The following PFKFB2 variants were observed in gnomAD, a reference collection of about 807,000 sequenced individuals.
The protein encoded by PFKFB2 is 6-phosphofructo-2-kinase/fructose-2,6-bisphosphatase 2.
A neutral mutation model predicts 68.0 loss-of-function variants in PFKFB2; 53 were observed. That is an observed-to-expected ratio of 0.78 (90% CI 0.63 to 0.98). The LOEUF (loss-of-function observed/expected upper bound fraction) is 0.98. PFKFB2 is among the 50% of genes least tolerant of loss of function. The pLI is 0.00. For synonymous variants in PFKFB2, 222 were observed against 227.6 expected (o/e 0.98, Z 0.22); for missense variants, 451 against 642.0 (o/e 0.70, Z 3.22).
chr1:207,046,109 AAAAGTAAGAG>A (rs1251203173), intron 2 of PFKFB2: 2 of 152,190 alleles, frequency 1.3e-5, no homozygotes, highest in African/African-American at 2.4e-5. Context: ...TAATCCAAAG[AAAAGTAAGAG>A]AAAGGAAGAA....
chr1:207,058,601 A>T (rs1029208343), intron 2 of PFKFB2, among the ~76,000 whole-genome samples: 1 of 152,014 alleles, frequency 6.6e-6, no homozygotes, highest in Non-Finnish European at 1.5e-5. Context: ...TTTTTTTGTA[A>T]ATCTTTTTTT....
chr1:207,052,302 C>G, upstream of PFKFB2: 4 of 1,340,104 alleles, frequency 3.0e-6, no homozygotes, highest in Non-Finnish European at 4.3e-6. Context: ...TTCTTCAAGA[C>G]GACTGCAACG....
Position 207,075,330 on chromosome 1 carries a change from A to G in PFKFB2, c.*2959A>G. The G allele has an allele frequency of 1.0e-5, 10 of 985,480 alleles. No homozygotes were observed. The highest frequency in any genetic ancestry group is 1.2e-5 in the Non-Finnish European group (10 of 829,936). 61.0% of individuals were successfully genotyped at this position (985,480 alleles called of 1,614,324 possible). On this transcript the variant is annotated 3_prime_UTR_variant, in exon 15 of 15. Coordinates refer to ENST00000367080, the MANE Select transcript of PFKFB2 (RefSeq NM_006212.2). ...AGGACATGAGAAATTGGAATTTGGC[A>G]AGCAAGGGCTTCAGCATCCTTTAGT... is the stretch of plus-strand genomic sequence containing the variant.
Position 207,063,077 on chromosome 1 carries a change from G to T in PFKFB2, c.309-66G>T. 7.4e-7 allele frequency: 1 copy of T among 1,349,348 alleles called. No individual in the cohort carries two copies. The highest frequency in any genetic ancestry group is 1.1e-6 in the Non-Finnish European group (1 of 940,276). 83.6% of individuals were successfully genotyped at this position (1,349,348 alleles called of 1,614,324 possible). A position where few individuals can be genotyped will look rare whatever the true frequency, so the allele number is the denominator to read the frequency against. Reference sequence around the variant, plus strand: ...AGGGATGTGACTTCTGTAGCCACCCGAATGTTTGTGTCTCTGACTGTTTGA... The same window carrying T: ...AGGGATGTGACTTCTGTAGCCACCCTAATGTTTGTGTCTCTGACTGTTTGA... On this transcript the variant is annotated intron_variant, in intron 4 of 14. Transcript: ENST00000367080. This position sits in a 1 kb window ranked among gnomAD's most constrained non-coding sequence, Gnocchi z 4.1.
rs879360833 is a variant in PFKFB2, at chr1:207,061,962, C to T, written c.95C>T (p.Ser32Phe). 1 of 1,614,106 alleles carries T rather than the reference C, an allele frequency of 6.2e-7. No homozygotes were observed. Among genetic ancestry groups the T allele is most frequent in the Non-Finnish European group, 8.5e-7 (1 of 1,179,928 alleles). Residue 32 changes from serine (S) to phenylalanine (F), a missense_variant, in exon 3 of 15, where the codon TCC becomes TTC. By Grantham distance (155) the Ser-to-Phe change is radical (BLOSUM62 -2). Transcript: ENST00000367080. ...TTTCATTTCCTTCTAGCATGGGCCT[C>T]CTACATGACCAACTCCCCGACTCTG... ...RMSEKKCSWA[S>F]YMTNSPTLIV...
At chr1:207,052,572 T>G (rs1188764977), upstream of PFKFB2, among the ~76,000 whole-genome samples, 6 of 152,274 alleles carry the variant, frequency 3.9e-5, no homozygotes, top group East Asian at 1.2e-3. Flanking sequence ...GAGAATCGCT[T>G]GAACACGGGA....
chr1:207,056,294 A>C (rs988209563), intron 2 of PFKFB2, among the ~76,000 whole-genome samples: 6 of 151,786 alleles, frequency 4.0e-5, no homozygotes, highest in African/African-American at 1.5e-4. Context: ...CACTATTTAA[A>C]AGAGGGCTGT....
chr1:207,063,708 A>C lies in PFKFB2; in HGVS notation c.451-65A>C, dbSNP rs1683187934. 2 of 1,328,198 alleles carry C rather than the reference A, an allele frequency of 1.5e-6. No homozygotes were observed. Among genetic ancestry groups the C allele is most frequent in the Non-Finnish European group, 2.2e-6 (2 of 918,964 alleles). 82.3% of individuals were successfully genotyped at this position (1,328,198 alleles called of 1,614,324 possible). On this transcript the variant is annotated intron_variant, in intron 6 of 14. Transcript: ENST00000367080. The surrounding 1 kb of genome is among the most constrained non-coding windows in gnomAD (Gnocchi z 4.1). ...TGGTGGCTGGGTGGGGTAGATGAGC[A>C]TGTGCTCTTAATTAACAGCCTGGCA... is the stretch of plus-strand genomic sequence containing the variant.
Position 207,076,000 on chromosome 1 carries a change from T to G in PFKFB2, c.*3629T>G, listed in dbSNP as rs1054748156. The G allele has an allele frequency of 9.1e-6, 9 of 985,362 alleles. No individual in the cohort carries two copies. The highest frequency in any genetic ancestry group is 2.4e-6 in the Non-Finnish European group (2 of 829,954). 61.0% of individuals were successfully genotyped at this position (985,362 alleles called of 1,614,324 possible). ...AAGAAAAGCTTCTAAAAACTTGCATTGTGCTAGGGATCTGCCCTATATCTT... is the reference window on the plus strand; with the variant it reads ...AAGAAAAGCTTCTAAAAACTTGCATGGTGCTAGGGATCTGCCCTATATCTT... On this transcript the variant is annotated 3_prime_UTR_variant, in exon 15 of 15. Coordinates refer to ENST00000367080, the MANE Select transcript of PFKFB2 (RefSeq NM_006212.2).
chr1:207,063,906 T>G lies in PFKFB2; in HGVS notation c.507+77T>G, dbSNP rs1683202575. On this transcript the variant is annotated intron_variant, in intron 7 of 14. Coordinates refer to ENST00000367080, the MANE Select transcript of PFKFB2 (RefSeq NM_006212.2). This position sits in a 1 kb window ranked among gnomAD's most constrained non-coding sequence, Gnocchi z 4.1. ...GTTGTGGGGTGTGTGTGTGTGTGTGTGTGTGTGTGTTGTTGGGGAGGGGTG... is the reference window on the plus strand; with the variant it reads ...GTTGTGGGGTGTGTGTGTGTGTGTGGGTGTGTGTGTTGTTGGGGAGGGGTG... The G allele has an allele frequency of 9.6e-7, 1 of 1,038,316 alleles. No individual in the cohort carries two copies. Among genetic ancestry groups the G allele is most frequent in the Non-Finnish European group, 1.5e-6 (1 of 660,010 alleles). The allele number at this position is 1,038,316 out of a possible 1,614,324, so 64.3% of individuals were successfully genotyped here.
chr1:207,071,715 C>A, intron 14 of PFKFB2, 142 bp downstream of exon 14: 1 of 630,038 alleles, frequency 1.6e-6, no homozygotes, highest in Middle Eastern at 2.6e-4. Flanking sequence ...TTTGCTACGT[C>A]TGAAACTGAT....
chr1:207,068,341 C>T, intron 10 of PFKFB2, 32 bp downstream of exon 10: 1 of 1,512,388 alleles, frequency 6.6e-7, no homozygotes. Flanking sequence ...CCCAGAAAAG[C>T]CAACAAGAGT....
In PFKFB2 at chr1:207,077,591, G is replaced by T; in HGVS notation, c.*5220G>T. 1.0e-6 allele frequency: 1 copy of T among 985,774 alleles called. No individual in the cohort carries two copies. Among genetic ancestry groups the T allele is most frequent in the Non-Finnish European group, 1.2e-6 (1 of 829,912 alleles). 61.1% of individuals were successfully genotyped at this position (985,774 alleles called of 1,614,324 possible). A position where few individuals can be genotyped will look rare whatever the true frequency, so the allele number is the denominator to read the frequency against. On this transcript the variant is annotated 3_prime_UTR_variant, in exon 15 of 15. Coordinates refer to ENST00000367080, the MANE Select transcript of PFKFB2 (RefSeq NM_006212.2). ...GCACCTCTGGGTTGAATGGGAATGG[G>T]TCAGATTGGGAAGCCTAGGAAGAGA...
upstream of PFKFB2, chr1:207,050,540 A>G (rs142650834): frequency 1.0e-3 from 1,075 of 1,024,742 alleles, 3 homozygotes; most frequent in African/African-American, 9.4e-3. Context: ...CCCCGTCAGC[A>G]TTCTCTGTTC....
intron 2 of PFKFB2, among the ~76,000 whole-genome samples, chr1:207,057,322 A>C (rs1003515272): frequency 2.0e-5 from 3 of 148,670 alleles, no homozygotes; most frequent in Admixed American, 1.3e-4. Flanking sequence ...AAAAAAAAAA[A>C]AAAAAACTAG....
At chr1:207,064,920 C>T (rs746858367) in intron 7 of PFKFB2, 116 bp from the exon 8 acceptor site, 1 of 1,208,072 alleles carries the variant, frequency 8.3e-7, no homozygotes, top group Admixed American at 2.3e-5. Flanking sequence ...TGCCAATGTT[C>T]CAGTGAAAGG....
At chr1:207,067,448 A>G (rs762959999) in intron 8 of PFKFB2, 51 bp from the exon 9 acceptor site, 1 of 1,296,170 alleles carries the variant, frequency 7.7e-7, no homozygotes, top group Non-Finnish European at 1.1e-6. Context: ...TCTGATTCTT[A>G]TTCTCAGATC....
At chr1:207,039,136 G>A (rs1389284628) in intron 1 of PFKFB2, among the ~76,000 whole-genome samples, 3 of 152,172 alleles carry the variant, frequency 2.0e-5, no homozygotes, top group Non-Finnish European at 2.9e-5. Context: ...TAATGAGAGG[G>A]TAACTTTGGC....
At chr1:207,052,150 C>T, upstream of PFKFB2, 1 of 1,605,766 alleles carries the variant, frequency 6.2e-7, no homozygotes, top group Admixed American at 1.7e-5. Flanking sequence ...GCTGGGGCAA[C>T]TATGAAAAGT....
Sources: allele counts gnomAD v4.1 joint callset (sites outside exome capture counted in the v4.1 genomes callset), GRCh38; gene constraint gnomAD v4.1.1; non-coding constraint Gnocchi (gnomAD v3.1); transcripts MANE v1.5; gene names NCBI Gene and HGNC (gene_info 2026-07-23, HGNC 2026-07-21).